Variants in SHTN1 observed in about 807,000 individuals in gnomAD.
The protein encoded by SHTN1 is shootin-1.
SHTN1 carries 42 observed loss-of-function variants against 83.1 expected under a neutral mutation model. The ratio of observed to expected loss-of-function variants is 0.51; its 90% confidence interval spans 0.39 to 0.65. The LOEUF (loss-of-function observed/expected upper bound fraction) is 0.65, where lower values mean the gene tolerates loss of function less well. Among genes scored for constraint, SHTN1 ranks in the 30% least tolerant of loss-of-function variants. The pLI is 0.00. For missense variants in SHTN1, 622 were observed against 737.8 expected (o/e 0.84, Z 1.82); for synonymous variants, 224 against 247.7 (o/e 0.90, Z 0.90).
At position 116,901,804 on chromosome 10, in the gene SHTN1, C is replaced by T. The variant is rs749169785; in HGVS notation, c.1634G>A (p.Arg545His). 2.5e-5 allele frequency: 40 copies of T among 1,599,960 alleles called. No homozygotes were observed. The highest frequency in any genetic ancestry group is 1.7e-4 in the Middle Eastern group (1 of 6,030). ...PPTPEPGEGP[R>H]KLEGCTSSKV... ...GGAACTTGTGCATCCTTCCAATTTA[C>T]GGGGCCCTTCACCTGGCTCAGGTGT... Residue 545 changes from arginine to histidine, a missense_variant, in exon 16 of 17, where the codon CGT becomes CAT. Transcript: ENST00000355371.
At chr10:117,027,252 C>CTCATGAAT (rs1852345545) in intron 2 of SHTN1, among the ~76,000 whole-genome samples, 1 of 152,052 alleles carries the variant, frequency 6.6e-6, no homozygotes, top group Non-Finnish European at 1.5e-5. Flanking sequence ...AATAGTTTAG[C>CTCATGAAT]ACCATCCCTT....
At chr10:117,027,150 T>A (rs1437833030) in intron 2 of SHTN1, among the ~76,000 whole-genome samples, 1 of 151,884 alleles carries the variant, frequency 6.6e-6, no homozygotes, top group Non-Finnish European at 1.5e-5. Flanking sequence ...TGGATCTGAA[T>A]CCCCACCCAA....
chr10:116,940,777 T>C (rs958842390), intron 8 of SHTN1, among the ~76,000 whole-genome samples, 165 bp from the exon 9 acceptor site: 6 of 152,198 alleles, frequency 3.9e-5, no homozygotes, highest in African/African-American at 7.2e-5. Context: ...TTCATTCCTT[T>C]TATATAATCT....
intron 1 of SHTN1, among the ~76,000 whole-genome samples, chr10:117,066,502 T>C (rs1853003831): frequency 1.3e-5 from 2 of 152,164 alleles, no homozygotes; most frequent in Non-Finnish European, 1.5e-5. Context: ...GAGGGTGATA[T>C]TTACACTTGT....
rs571608608 is a variant in SHTN1 at position 117,010,639 on chromosome 10, A to G, written c.-122-31331T>C. ...AGGATATCACAAAGAAAAGAAATGT[A>G]CACACCAATTTCTCTTATGAATATG... On this transcript the variant is annotated intron_variant, in intron 2 of 17. Transcript: ENST00000392901. Among the ~76,000 whole-genome samples, 112 of 152,312 alleles carry G rather than the reference A, an allele frequency of 7.4e-4. 2 individuals carry two copies. In the South Asian group the frequency reaches 0.022, roughly 30 times the overall value.
intron 3 of SHTN1, among the ~76,000 whole-genome samples, chr10:116,964,982 A>C (rs1373685647): frequency 6.6e-6 from 1 of 152,124 alleles, no homozygotes; most frequent in African/African-American, 2.4e-5. Flanking sequence ...TAAATAAATA[A>C]ATAAATAAAA....
upstream of SHTN1, among the ~76,000 whole-genome samples, chr10:117,006,654 G>C (rs1418055065): frequency 1.3e-5 from 2 of 151,874 alleles, no homozygotes; most frequent in African/African-American, 4.8e-5. Flanking sequence ...CTTTTACACT[G>C]ATCATTAAGC....
chr10:117,051,720 T>C (rs1404012043), intron 1 of SHTN1, among the ~76,000 whole-genome samples: 1 of 142,702 alleles, frequency 7.0e-6, no homozygotes, highest in Non-Finnish European at 1.5e-5. Flanking sequence ...CCTTTCATGA[T>C]AAAAAAAAAA....
In SHTN1 at chr10:116,905,556, T is replaced by C. The variant is rs572178229; in HGVS notation, c.1480+1071A>G. On this transcript the variant is annotated intron_variant, in intron 15 of 16. Transcript: ENST00000355371. Reference sequence around the variant, plus strand: ...AAAGTTTGGTTGGTATTAAGCCACTTTGGGTTCAAGGAATCAATTTACTCA... The same window carrying C: ...AAAGTTTGGTTGGTATTAAGCCACTCTGGGTTCAAGGAATCAATTTACTCA... Among the ~76,000 whole-genome samples, 12 of 152,314 alleles carry C rather than the reference T, an allele frequency of 7.9e-5. No homozygotes were observed. In the South Asian group the frequency reaches 1.7e-3, roughly 21 times the overall value.
chr10:117,088,997 C>G (rs1165090168), intron 1 of SHTN1, among the ~76,000 whole-genome samples: 1 of 152,144 alleles, frequency 6.6e-6, no homozygotes, highest in Non-Finnish European at 1.5e-5. Context: ...TTATTGAGTG[C>G]TGGTGGTAAA....
In SHTN1 at chr10:117,117,289, G is replaced by GAAAGCAATCCCAC. The variant is rs553581837; in HGVS notation, c.-189+9005_-189+9017dup. Among the ~76,000 whole-genome samples, 18 of 152,148 alleles carry GAAAGCAATCCCAC rather than the reference G, an allele frequency of 1.2e-4. No individual in the cohort carries two copies. The East Asian group carries it at 1.5e-3, about 13-fold the overall frequency. ...ACGAACAATCTGAAAAAGAAATCAA[G>GAAAGCAATCCCAC]AAAGCAATCCCACTTATAATAGCAA... On this transcript the variant is annotated intron_variant, in intron 1 of 17. Transcript: ENST00000392901.
intron 2 of SHTN1, among the ~76,000 whole-genome samples, chr10:117,036,304 A>G (rs1167036881): frequency 4.6e-5 from 7 of 152,206 alleles, no homozygotes; most frequent in Middle Eastern, 3.2e-3. Context: ...AAAAGAAAAA[A>G]AATCAGTATA....
At chr10:116,936,528 G>A (rs1050014213) in intron 9 of SHTN1, among the ~76,000 whole-genome samples, 2 of 152,196 alleles carry the variant, frequency 1.3e-5, no homozygotes, top group Non-Finnish European at 2.9e-5. Context: ...ACTGTGGTCT[G>A]AGAGACTGTT....
At chr10:117,048,519 G>A (rs561560963) in intron 1 of SHTN1, 23 of 978,652 alleles carry the variant, frequency 2.4e-5, no homozygotes, top group Non-Finnish European at 2.8e-5. Context: ...ACCTGAAAAG[G>A]ATTAAACACT....
intron 1 of SHTN1, among the ~76,000 whole-genome samples, chr10:117,105,033 C>G (rs571100097): frequency 1.1e-4 from 16 of 151,920 alleles, no homozygotes; most frequent in African/African-American, 3.6e-4. Flanking sequence ...TACTCCTCCA[C>G]GAAACCAACA....
intron 2 of SHTN1, chr10:117,023,957 G>A (rs950987103): frequency 6.6e-6 from 1 of 152,626 alleles, no homozygotes; most frequent in Non-Finnish European, 1.5e-5. Context: ...AGCTTGAACA[G>A]AGTAATATGA....
chr10:117,001,702 T>G (rs113440961), intron 1 of SHTN1, among the ~76,000 whole-genome samples: 149 of 152,306 alleles, frequency 9.8e-4, no homozygotes, highest in Middle Eastern at 3.4e-3. Context: ...TTAACAACAA[T>G]GTATTATATA....
chr10:116,947,211 T>C (rs932869366), intron 7 of SHTN1, among the ~76,000 whole-genome samples: 1 of 152,124 alleles, frequency 6.6e-6, no homozygotes, highest in African/African-American at 2.4e-5. Context: ...TTTTGTTAAA[T>C]AGTGATAATG....
chr10:117,111,601 C>T (rs1233945800), intron 1 of SHTN1, among the ~76,000 whole-genome samples: 2 of 152,100 alleles, frequency 1.3e-5, no homozygotes, highest in Non-Finnish European at 2.9e-5. Flanking sequence ...CAAGAATGTG[C>T]ACTTCTAACA....
Sources: allele counts gnomAD v4.1 joint callset (sites outside exome capture counted in the v4.1 genomes callset), GRCh38; gene constraint gnomAD v4.1.1; transcripts MANE v1.5; gene names NCBI Gene and HGNC (gene_info 2026-07-23, HGNC 2026-07-21).